ZBTB7C: variants seen among roughly 807,000 people sequenced by gnomAD.
The protein encoded by ZBTB7C is zinc finger and BTB domain containing 7C.
ZBTB7C carries 8 observed loss-of-function variants against 25.7 expected under a neutral mutation model. That is an observed-to-expected ratio of 0.31 (90% confidence interval 0.18 to 0.56). The LOEUF is 0.56. ZBTB7C is among the 20% of genes least tolerant of loss of function. The probability of loss-of-function intolerance (pLI) is 0.91; values close to 1 mark genes in which losing one functional copy is unlikely to be tolerated. For synonymous variants in ZBTB7C, 394 were observed against 369.0 expected (o/e 1.07, Z -0.78); for missense variants, 824 against 855.2 (o/e 0.96, Z 0.46).
intron 2 of ZBTB7C, among the ~76,000 whole-genome samples, chr18:48,296,276 G>T (rs1818524768): frequency 6.6e-6 from 1 of 152,170 alleles, no homozygotes; most frequent in Non-Finnish European, 1.5e-5. Context: ...CCTGTGCCAG[G>T]CAGGGTGGCA....
chr18:48,072,809 G>A (rs1331557642), intron 3 of ZBTB7C, among the ~76,000 whole-genome samples: 1 of 152,190 alleles, frequency 6.6e-6, no homozygotes, highest in Non-Finnish European at 1.5e-5. Context: ...CACTGCTGGG[G>A]AGAAGGCAGC....
intron 3 of ZBTB7C, among the ~76,000 whole-genome samples, chr18:48,121,122 C>A (rs2039614917): frequency 6.6e-6 from 1 of 152,222 alleles, no homozygotes; most frequent in Non-Finnish European, 1.5e-5. Flanking sequence ...TCTTCCCAGG[C>A]TTCTACTCCA....
intron 1 of ZBTB7C, among the ~76,000 whole-genome samples, chr18:48,401,407 A>G (rs1188440969): frequency 6.6e-6 from 1 of 152,168 alleles, no homozygotes; most frequent in Admixed American, 6.5e-5. Context: ...CCACCCTATC[A>G]AATTGGTATT....
intron 1 of ZBTB7C, among the ~76,000 whole-genome samples, chr18:48,379,245 C>T (rs908406474): frequency 6.6e-6 from 1 of 152,172 alleles, no homozygotes; most frequent in Non-Finnish European, 1.5e-5. Context: ...TAATACCACC[C>T]CCTCTTGATT....
intron 3 of ZBTB7C, among the ~76,000 whole-genome samples, chr18:48,110,213 G>A (rs981343584): frequency 3.3e-5 from 5 of 152,028 alleles, no homozygotes; most frequent in African/African-American, 9.7e-5. Context: ...TAGTCTTTGG[G>A]CCCCACCACA....
chr18:48,098,135 A>G (rs1346862378), intron 3 of ZBTB7C, among the ~76,000 whole-genome samples: 1 of 152,222 alleles, frequency 6.6e-6, no homozygotes, highest in Non-Finnish European at 1.5e-5. Context: ...TCAAAAGAGT[A>G]CAATAAGGAG....
chr18:48,127,112 T>C (rs75140566), intron 3 of ZBTB7C, among the ~76,000 whole-genome samples: 22,927 of 152,088 alleles, frequency 0.15, 1,817 homozygotes, highest in Admixed American at 0.19. Context: ...ACATCAACCC[T>C]AGGAGGCTCC....
chr18:48,204,155 G>T (rs2042523399), intron 2 of ZBTB7C, among the ~76,000 whole-genome samples: 3 of 152,140 alleles, frequency 2.0e-5, no homozygotes, highest in Admixed American at 2.0e-4. Flanking sequence ...ACTCCATCAG[G>T]TCACACTGCT....
chr18:48,104,974 A>G (rs1231216102), intron 3 of ZBTB7C, among the ~76,000 whole-genome samples: 1 of 152,228 alleles, frequency 6.6e-6, no homozygotes, highest in East Asian at 1.9e-4. Flanking sequence ...CCTCTGCTAC[A>G]GGCAAACTCC....
chr18:48,081,697 A>C (rs2037991715), intron 3 of ZBTB7C, among the ~76,000 whole-genome samples: 1 of 152,080 alleles, frequency 6.6e-6, no homozygotes, highest in Non-Finnish European at 1.5e-5. Flanking sequence ...GTCCAGCATC[A>C]AATTAAGTTC....
At chr18:48,277,988 C>A (rs1451719520) in intron 2 of ZBTB7C, among the ~76,000 whole-genome samples, 1 of 152,036 alleles carries the variant, frequency 6.6e-6, no homozygotes, top group African/African-American at 2.4e-5. Flanking sequence ...GAGAAGAAAA[C>A]CAGCAATGGA....
chr18:48,410,244 G>A (rs1012197589), upstream of ZBTB7C, among the ~76,000 whole-genome samples: 1 of 152,126 alleles, frequency 6.6e-6, no homozygotes, highest in Non-Finnish European at 1.5e-5. Flanking sequence ...CCGGGGCGCC[G>A]AATCTCAGCG....
chr18:48,381,254 A>C (rs1177873455), intron 1 of ZBTB7C, among the ~76,000 whole-genome samples: 1 of 152,232 alleles, frequency 6.6e-6, no homozygotes, highest in Non-Finnish European at 1.5e-5. Context: ...GGAGAGAATC[A>C]AAGAATCCCA....
chr18:48,116,719 T>C (rs955514524), intron 3 of ZBTB7C, among the ~76,000 whole-genome samples: 3 of 152,084 alleles, frequency 2.0e-5, no homozygotes, highest in Non-Finnish European at 2.9e-5. Context: ...GCCCTCTCTG[T>C]CATTCCTCAT....
intron 2 of ZBTB7C, among the ~76,000 whole-genome samples, chr18:48,319,495 C>A (rs2046038032): frequency 6.6e-6 from 1 of 152,146 alleles, no homozygotes; most frequent in Non-Finnish European, 1.5e-5. Flanking sequence ...AATATTCACT[C>A]CACACATGTT....
At chr18:48,228,496 T>C (rs2043163181) in intron 2 of ZBTB7C, among the ~76,000 whole-genome samples, 1 of 152,020 alleles carries the variant, frequency 6.6e-6, no homozygotes, top group Non-Finnish European at 1.5e-5. Context: ...CCTCTCTGTC[T>C]CTCACCCCTG....
chr18:48,373,476 G>A (rs1160340072), intron 1 of ZBTB7C, among the ~76,000 whole-genome samples: 1 of 151,628 alleles, frequency 6.6e-6, no homozygotes, highest in African/African-American at 2.4e-5. Context: ...AGTTTAGAGA[G>A]GCCAGGGCAG....
At chr18:48,065,352 C>CAA (rs1555683878) in intron 3 of ZBTB7C, among the ~76,000 whole-genome samples, 1 of 152,128 alleles carries the variant, frequency 6.6e-6, no homozygotes, top group African/African-American at 2.4e-5. Context: ...CACACACACA[C>CAA]ACAAACACAC....
upstream of ZBTB7C, among the ~76,000 whole-genome samples, chr18:48,412,564 G>C (rs548372051): frequency 2.0e-5 from 3 of 152,188 alleles, no homozygotes; most frequent in Non-Finnish European, 4.4e-5. Flanking sequence ...GCCTCTAGAG[G>C]AGAAAGAGGG....
Sources: gnomAD v4.1 joint callset for allele counts (sites outside exome capture counted in the v4.1 genomes callset) on GRCh38, gnomAD v4.1.1 for gene constraint, MANE v1.5 for transcripts, NCBI Gene and HGNC (gene_info 2026-07-23, HGNC 2026-07-21) for gene names.